The following PTGFR variants were observed in gnomAD, a reference collection of about 807,000 sequenced individuals.
PTGFR encodes the protein prostaglandin F2-alpha receptor.
PTGFR carries 15 observed loss-of-function variants against 26.2 expected under a neutral mutation model. That is an observed-to-expected ratio of 0.57 (90% CI 0.38 to 0.88). PTGFR has a LOEUF of 0.88. Ranked by LOEUF, PTGFR falls within the 40% of genes least tolerant of loss-of-function variation. The probability of loss-of-function intolerance (pLI) is 0.00; values close to 1 mark genes in which losing one functional copy is unlikely to be tolerated. For synonymous variants in PTGFR, 165 were observed against 151.1 expected (o/e 1.09, Z -0.68); for missense variants, 369 against 427.2 (o/e 0.86, Z 1.20).
At chr1:78,535,109 A>G (rs979470854) in intron 2 of PTGFR, among the ~76,000 whole-genome samples, 3 of 152,128 alleles carry the variant, frequency 2.0e-5, no homozygotes, top group Non-Finnish European at 2.9e-5. Context: ...AGAGGACTCT[A>G]TGCCTTCCCA....
chr1:78,510,170 C>A (rs147543655), intron 2 of PTGFR, among the ~76,000 whole-genome samples: 89 of 152,318 alleles, frequency 5.8e-4, no homozygotes, highest in East Asian at 4.1e-3. Flanking sequence ...TCCCTCTCCT[C>A]TAGAAGGCCA....
At chr1:78,510,615 G>A (rs1361035904) in intron 2 of PTGFR, among the ~76,000 whole-genome samples, 3 of 152,096 alleles carry the variant, frequency 2.0e-5, no homozygotes, top group Non-Finnish European at 4.4e-5. Context: ...ATTTGGAGGG[G>A]ACAAACACAC....
Position 78,492,766 on chromosome 1 carries a change from A to G in PTGFR, c.23A>G (p.Gln8Arg). ...ACAATGTCCATGAACAATTCCAAAC[A>G]GCTAGTGTCTCCTGCAGCTGCGCTT... MSMNNSKQLVSPAAALLS... is the reference protein window; with the variant it reads MSMNNSKRLVSPAAALLS... The change falls in exon 2 of 3, where the codon CAG becomes CGG. Residue 8 changes from glutamine to arginine, a missense_variant. Coordinates refer to ENST00000370757, the MANE Select transcript of PTGFR (RefSeq NM_000959.4). 3 of 1,613,664 alleles carry G rather than the reference A, an allele frequency of 1.9e-6. No homozygotes were observed. Among genetic ancestry groups the G allele is most frequent in the Non-Finnish European group, 2.5e-6 (3 of 1,179,758 alleles).
chr1:78,493,115 T>C lies in PTGFR; in HGVS notation c.372T>C (p.Leu124=). 6.2e-7 allele frequency: 1 copy of C among 1,614,226 alleles called. No individual in the cohort carries two copies. The highest frequency in any genetic ancestry group is 8.5e-7 in the Non-Finnish European group (1 of 1,180,034). The change falls in exon 2 of 3, where the codon CTT becomes CTC. Residue 124 remains leucine (L), a synonymous_variant. Transcript: ENST00000370757. ...CMVFSGLCPL[L]LGSVMAIERC... is the part of the protein sequence containing the mutation. The stretch of plus-strand genomic sequence containing the variant: ...TGTTTTCTGGTCTGTGCCCACTTCT[T>C]CTAGGCAGTGTGATGGCCATTGAGC...
At chr1:78,532,604 T>C (rs1173708416) in intron 2 of PTGFR, among the ~76,000 whole-genome samples, 1 of 151,148 alleles carries the variant, frequency 6.6e-6, no homozygotes, top group African/African-American at 2.4e-5. Flanking sequence ...TCAACTCTGT[T>C]ACCCAGGCTG....
chr1:78,500,665 C>T (rs1171642496), intron 2 of PTGFR, among the ~76,000 whole-genome samples: 18 of 152,190 alleles, frequency 1.2e-4, no homozygotes, highest in Admixed American at 1.2e-3. Flanking sequence ...GATGTCTGCC[C>T]CAAAGTCTAT....
chr1:78,509,103 T>C (rs1649893561), intron 2 of PTGFR, among the ~76,000 whole-genome samples: 1 of 152,166 alleles, frequency 6.6e-6, no homozygotes, highest in South Asian at 2.1e-4. Context: ...TAAAAAAATT[T>C]TAATGTGGAC....
intron 2 of PTGFR, among the ~76,000 whole-genome samples, chr1:78,532,918 A>G (rs1297623661): frequency 6.6e-6 from 1 of 152,168 alleles, no homozygotes; most frequent in Non-Finnish European, 1.5e-5. Flanking sequence ...CTTGTAATGT[A>G]CTATGAACTC....
intron 2 of PTGFR, among the ~76,000 whole-genome samples, chr1:78,513,230 G>A (rs576029352): frequency 6.6e-6 from 1 of 152,266 alleles, no homozygotes; most frequent in South Asian, 2.1e-4. Context: ...GGAAGATGAG[G>A]GAAAGTTGGA....
intron 2 of PTGFR, among the ~76,000 whole-genome samples, chr1:78,502,637 T>A (rs34528585): frequency 0.13 from 20,176 of 152,104 alleles, 1,778 homozygotes; most frequent in Non-Finnish European, 0.2. Context: ...AATGAGATGA[T>A]CAAAGACACG....
chr1:78,522,997 C>T (rs539932667), intron 2 of PTGFR, among the ~76,000 whole-genome samples: 3 of 152,110 alleles, frequency 2.0e-5, no homozygotes, highest in African/African-American at 7.2e-5. Flanking sequence ...TTGTAATCTT[C>T]TTTATTTTCT....
intron 2 of PTGFR, among the ~76,000 whole-genome samples, chr1:78,510,625 C>G (rs973770568): frequency 5.9e-5 from 9 of 152,146 alleles, no homozygotes; most frequent in Non-Finnish European, 1.2e-4. Context: ...GACAAACACA[C>G]AAACTATATC....
Position 78,536,561 on chromosome 1 carries a change from T to C in PTGFR, c.954T>C (p.Leu318=), listed in dbSNP as rs1217446416. The C allele has an allele frequency of 1.2e-6, 2 of 1,613,458 alleles. No homozygotes were observed. Among genetic ancestry groups the C allele is most frequent in the Non-Finnish European group, 1.7e-6 (2 of 1,179,542 alleles). Residue 318 remains leucine, a synonymous_variant, in exon 3 of 3, where the codon CTT becomes CTC. Coordinates refer to ENST00000370757, the MANE Select transcript of PTGFR (RefSeq NM_000959.4). ...RKAVLKNLYK[L]ASQCCGVHVI... is the part of the protein sequence containing the mutation. The stretch of plus-strand genomic sequence containing the variant: ...CTGTCCTTAAGAATCTCTATAAGCT[T>C]GCCAGTCAATGCTGTGGAGTGCATG...
At chr1:78,501,280 A>G (rs910499073) in intron 2 of PTGFR, among the ~76,000 whole-genome samples, 10 of 152,184 alleles carry the variant, frequency 6.6e-5, no homozygotes, top group Non-Finnish European at 1.3e-4. Context: ...ACTTATCTTT[A>G]TAGGAAGTAT....
intron 2 of PTGFR, among the ~76,000 whole-genome samples, chr1:78,504,349 A>G (rs1199723839): frequency 6.6e-6 from 1 of 152,164 alleles, no homozygotes; most frequent in East Asian, 1.9e-4. Context: ...TTCTTTGATT[A>G]ATAGAGTAGT....
chr1:78,509,209 A>G (rs1649900693), intron 2 of PTGFR, among the ~76,000 whole-genome samples: 1 of 152,162 alleles, frequency 6.6e-6, no homozygotes, highest in South Asian at 2.1e-4. Flanking sequence ...GGGTATAGCT[A>G]AATTTCCACT....
chr1:78,517,437 G>T (rs573491303), intron 2 of PTGFR, among the ~76,000 whole-genome samples: 39 of 152,192 alleles, frequency 2.6e-4, no homozygotes, highest in African/African-American at 9.4e-4. Flanking sequence ...ATTGATAAGT[G>T]CTGTGATTGT....
intron 2 of PTGFR, among the ~76,000 whole-genome samples, chr1:78,500,822 A>AT (rs1019128000): frequency 2.0e-5 from 3 of 152,370 alleles, no homozygotes; most frequent in African/African-American, 7.2e-5. Flanking sequence ...AATTGAGCTC[A>AT]TTTAAGTATA....
In PTGFR at chr1:78,540,188, G is replaced by GC. The variant is rs1650761721; in HGVS notation, c.*3501_*3502insC. Among the ~76,000 whole-genome samples, 1 of 152,062 alleles carries GC rather than the reference G, an allele frequency of 6.6e-6. No individual in the cohort carries two copies. On this transcript the variant is annotated 3_prime_UTR_variant, in exon 3 of 3. Coordinates refer to ENST00000370757, the MANE Select transcript of PTGFR (RefSeq NM_000959.4). Reference sequence around the variant, plus strand: ...GCTGTTTCTCAAACTACAGAGCATGGTGAATCACACACAGGCTGTTAGAAT... The same window carrying GC: ...GCTGTTTCTCAAACTACAGAGCATGGCTGAATCACACACAGGCTGTTAGAAT...
Sources: gnomAD v4.1 joint callset for allele counts (sites outside exome capture counted in the v4.1 genomes callset) on GRCh38, gnomAD v4.1.1 for gene constraint, MANE v1.5 for transcripts, NCBI Gene and HGNC (gene_info 2026-07-23, HGNC 2026-07-21) for gene names.